Variants in SLIT2 observed in about 807,000 individuals in gnomAD.
SLIT2 encodes slit homolog 2 protein.
A neutral mutation model predicts 185.7 loss-of-function variants in SLIT2; 41 were observed. That is an observed-to-expected ratio of 0.22 (90% CI 0.17 to 0.29). The LOEUF (loss-of-function observed/expected upper bound fraction) is 0.29, where lower values mean the gene tolerates loss of function less well. SLIT2 is among the 10% of genes least tolerant of loss of function. The pLI is 1.00. For missense variants in SLIT2, 1,571 were observed against 1,909.0 expected (o/e 0.82, Z 3.30); for synonymous variants, 693 against 680.2 (o/e 1.02, Z -0.29).
intron 10 of SLIT2, 121 bp downstream of exon 10, chr4:20,510,687 A>C: frequency 1.6e-6 from 1 of 618,018 alleles, no homozygotes; most frequent in Non-Finnish European, 2.8e-6. Flanking sequence ...AAGTGATGTG[A>C]CTGTCTGATT....
chr4:20,314,246 C>T (rs767349014), intron 4 of SLIT2, among the ~76,000 whole-genome samples: 1 of 152,054 alleles, frequency 6.6e-6, no homozygotes, highest in South Asian at 2.1e-4. Context: ...GAAATATAAA[C>T]AATTAATGAA....
chr4:20,469,086 A>C (rs980084646), intron 5 of SLIT2, among the ~76,000 whole-genome samples: 1 of 152,162 alleles, frequency 6.6e-6, no homozygotes, highest in Non-Finnish European at 1.5e-5. Flanking sequence ...TCAATTTAAT[A>C]TGATTTTATT....
At chr4:20,324,549 G>A (rs1280272944) in intron 4 of SLIT2, among the ~76,000 whole-genome samples, 2 of 152,072 alleles carry the variant, frequency 1.3e-5, no homozygotes, top group African/African-American at 4.8e-5. Context: ...AAAAGACATG[G>A]GAAAGAGATC....
chr4:20,500,620 A>C (rs142737359), intron 9 of SLIT2, among the ~76,000 whole-genome samples: 1 of 152,190 alleles, frequency 6.6e-6, no homozygotes, highest in Non-Finnish European at 1.5e-5. Flanking sequence ...ATGATAAAAA[A>C]AATTTTCAAA....
intron 34 of SLIT2, among the ~76,000 whole-genome samples, chr4:20,612,558 C>A (rs112986537): frequency 4.5e-4 from 69 of 152,178 alleles, no homozygotes; most frequent in African/African-American, 1.6e-3. Context: ...GCCTTGAATG[C>A]TGTATGGCAA....
intron 9 of SLIT2, among the ~76,000 whole-genome samples, chr4:20,505,691 T>TA (rs1461240107): frequency 6.6e-6 from 1 of 152,092 alleles, no homozygotes; most frequent in African/African-American, 2.4e-5. Flanking sequence ...GTGGCAGAAT[T>TA]AGACTTCATT....
chr4:20,372,795 T>G (rs573175168), intron 4 of SLIT2, among the ~76,000 whole-genome samples: 34 of 152,178 alleles, frequency 2.2e-4, no homozygotes, highest in African/African-American at 8.2e-4. Context: ...ATTTGGGTGG[T>G]ATTATATTTG....
chr4:20,290,556 T>C (rs969903436), intron 4 of SLIT2, among the ~76,000 whole-genome samples: 1 of 152,154 alleles, frequency 6.6e-6, no homozygotes, highest in Non-Finnish European at 1.5e-5. Flanking sequence ...CTGGAACCAG[T>C]GTCCCATGGA....
intron 4 of SLIT2, among the ~76,000 whole-genome samples, chr4:20,343,374 T>G (rs555832830): frequency 6.6e-6 from 1 of 152,358 alleles, no homozygotes; most frequent in African/African-American, 2.4e-5. Flanking sequence ...CATTTTTATT[T>G]TATTTTATCC....
At chr4:20,322,872 C>G (rs1407567499) in intron 4 of SLIT2, among the ~76,000 whole-genome samples, 2 of 152,124 alleles carry the variant, frequency 1.3e-5, no homozygotes, top group East Asian at 3.9e-4. Flanking sequence ...CATGTCAATA[C>G]AACTTCACCT....
intron 18 of SLIT2, 67 bp downstream of exon 18, chr4:20,533,782 C>T: frequency 6.8e-7 from 1 of 1,464,800 alleles, no homozygotes; most frequent in Admixed American, 2.0e-5. Context: ...CATTATAATC[C>T]TGGGAGAGAG....
At chr4:20,274,003 C>A (rs776577514) in intron 4 of SLIT2, among the ~76,000 whole-genome samples, 6 of 152,150 alleles carry the variant, frequency 3.9e-5, no homozygotes, top group Non-Finnish European at 7.3e-5. Flanking sequence ...ACTCATCTAG[C>A]GCGCTGCCAT....
chr4:20,329,674 C>A (rs1210461207), intron 4 of SLIT2, among the ~76,000 whole-genome samples: 1 of 152,028 alleles, frequency 6.6e-6, no homozygotes, highest in Non-Finnish European at 1.5e-5. Context: ...CAAAGTTAGG[C>A]TTTGAATCCT....
intron 4 of SLIT2, among the ~76,000 whole-genome samples, chr4:20,356,855 G>C (rs1722366717): frequency 6.6e-6 from 1 of 151,958 alleles, no homozygotes. Context: ...AAAGATTCAG[G>C]GACTCCAGCC....
At chr4:20,372,897 A>G (rs562582464) in intron 4 of SLIT2, among the ~76,000 whole-genome samples, 34 of 152,216 alleles carry the variant, frequency 2.2e-4, no homozygotes, top group African/African-American at 7.9e-4. Context: ...TGTCATATTT[A>G]ATAAACCTAA....
intron 33 of SLIT2, among the ~76,000 whole-genome samples, chr4:20,609,199 CCTTT>C (rs2148978227): frequency 6.6e-6 from 1 of 152,226 alleles, no homozygotes; most frequent in South Asian, 2.1e-4. Flanking sequence ...TTTCCATTTA[CCTTT>C]CTTCATCTTT....
At chr4:20,330,420 G>A (rs1357570904) in intron 4 of SLIT2, among the ~76,000 whole-genome samples, 1 of 152,022 alleles carries the variant, frequency 6.6e-6, no homozygotes, top group East Asian at 1.9e-4. Context: ...TAGCACTATT[G>A]TGAATTACTC....
chr4:20,497,363 C>T (rs1718319669), intron 9 of SLIT2, among the ~76,000 whole-genome samples: 1 of 151,932 alleles, frequency 6.6e-6, no homozygotes, highest in Non-Finnish European at 1.5e-5. Context: ...GACTCTCAAG[C>T]CCATGGTCCT....
chr4:20,537,676 G>A (rs748290579), intron 18 of SLIT2, among the ~76,000 whole-genome samples: 13 of 152,048 alleles, frequency 8.5e-5, no homozygotes, highest in Non-Finnish European at 1.2e-4. Flanking sequence ...TTCAACAAGC[G>A]TCATAGAGCA....
Sources: gnomAD v4.1 joint callset for allele counts (sites outside exome capture counted in the v4.1 genomes callset) on GRCh38, gnomAD v4.1.1 for gene constraint, MANE v1.5 for transcripts, NCBI Gene and HGNC (gene_info 2026-07-23, HGNC 2026-07-21) for gene names.